The following GTF2A1L variants were observed in gnomAD, a reference collection of about 807,000 sequenced individuals.
GTF2A1L encodes general transcription factor IIA subunit 1 like.
In GTF2A1L, 48 loss-of-function variants were observed where a neutral mutation model predicts 49.7. The ratio of observed to expected loss-of-function variants is 0.97; its 90% CI spans 0.77 to 1.23. GTF2A1L has a LOEUF of 1.23. Ranked by LOEUF, GTF2A1L falls within the 50% of genes most tolerant of loss-of-function variation. GTF2A1L has a pLI of 0.00. For missense variants in GTF2A1L, 736 were observed against 564.8 expected (o/e 1.30, Z -3.07); for synonymous variants, 246 against 193.5 (o/e 1.27, Z -2.25).
At chr2:48,662,273 A>G (rs552387823) in intron 6 of GTF2A1L, among the ~76,000 whole-genome samples, 3 of 152,378 alleles carry the variant, frequency 2.0e-5, no homozygotes, top group Non-Finnish European at 2.9e-5. Flanking sequence ...ATGATGTAGA[A>G]GAATAAAATC....
chr2:48,636,039 C>T (rs1676868726), intron 3 of GTF2A1L, among the ~76,000 whole-genome samples: 1 of 152,208 alleles, frequency 6.6e-6, no homozygotes, highest in Non-Finnish European at 1.5e-5. Context: ...AATGCCATCA[C>T]AGTGGCTGTT....
intron 8 of GTF2A1L, among the ~76,000 whole-genome samples, chr2:48,672,034 G>A (rs544192311): frequency 6.6e-6 from 1 of 152,340 alleles, no homozygotes; most frequent in South Asian, 2.1e-4. Context: ...AAGATGAGTG[G>A]CAGGTAAATC....
At chr2:48,638,258 C>A (rs1677011994) in intron 3 of GTF2A1L, among the ~76,000 whole-genome samples, 1 of 152,130 alleles carries the variant, frequency 6.6e-6, no homozygotes, top group African/African-American at 2.4e-5. Flanking sequence ...GATACCAAAG[C>A]CTGGGAGAGA....
intron 8 of GTF2A1L, among the ~76,000 whole-genome samples, chr2:48,675,932 G>A (rs192412963): frequency 2.0e-5 from 3 of 151,764 alleles, no homozygotes; most frequent in Non-Finnish European, 3.0e-5. Flanking sequence ...AATAGATAGT[G>A]CATACACATG....
At chr2:48,634,547 C>T (rs1483903740) in intron 3 of GTF2A1L, among the ~76,000 whole-genome samples, 1 of 152,108 alleles carries the variant, frequency 6.6e-6, no homozygotes, top group Admixed American at 6.5e-5. Flanking sequence ...CTTTTGTTTC[C>T]GTGATTAGAA....
At chr2:48,641,377 G>T (rs767562390) in intron 3 of GTF2A1L, among the ~76,000 whole-genome samples, 1 of 152,086 alleles carries the variant, frequency 6.6e-6, no homozygotes, top group African/African-American at 2.4e-5. Flanking sequence ...GGAAGGAATG[G>T]TTAGTTTAAA....
chr2:48,642,200 G>A (rs1677234315), intron 3 of GTF2A1L, among the ~76,000 whole-genome samples: 1 of 152,096 alleles, frequency 6.6e-6, no homozygotes, highest in African/African-American at 2.4e-5. Flanking sequence ...GCACTTAAAG[G>A]AGTTTATTTG....
chr2:48,647,717 G>T (rs905666938), intron 6 of GTF2A1L, among the ~76,000 whole-genome samples: 1 of 151,630 alleles, frequency 6.6e-6, no homozygotes, highest in Admixed American at 6.6e-5. Context: ...ATTTCTTTTG[G>T]TATTGAAACC....
rs574925170 is a variant in GTF2A1L at position 48,672,727 on chromosome 2, G to A, written c.1329+1047G>A. 1.9e-4 allele frequency among the ~76,000 whole-genome samples: 29 copies of A among 152,230 alleles called. No individual in the cohort carries two copies. In the South Asian group the frequency reaches 5.2e-3, roughly 27 times the overall value. ...GCTGTGATTATGTAGTCAAATGGGA[G>A]TTTTTGTCCTTAATTCATGAATATT... On this transcript the variant is annotated intron_variant, in intron 8 of 8. Coordinates refer to ENST00000403751, the MANE Select transcript of GTF2A1L (RefSeq NM_006872.5).
intron 2 of GTF2A1L, 100 bp downstream of exon 2, chr2:48,621,052 A>C (rs1041008609): frequency 1.3e-6 from 2 of 1,507,834 alleles, no homozygotes; most frequent in Non-Finnish European, 1.8e-6. Context: ...TTTAGTACTT[A>C]CCCATTCATT....
At chr2:48,649,232 G>A (rs1386671264) in intron 6 of GTF2A1L, among the ~76,000 whole-genome samples, 1 of 152,076 alleles carries the variant, frequency 6.6e-6, no homozygotes, top group Non-Finnish European at 1.5e-5. Flanking sequence ...TGTTTTCAAG[G>A]TTAGTCGATA....
intron 3 of GTF2A1L, among the ~76,000 whole-genome samples, chr2:48,640,067 A>C (rs1056373793): frequency 6.6e-6 from 1 of 152,196 alleles, no homozygotes; most frequent in Non-Finnish European, 1.5e-5. Context: ...GTGAGGTTGC[A>C]GAGAAAAGGA....
intron 3 of GTF2A1L, among the ~76,000 whole-genome samples, chr2:48,626,847 C>A (rs867543695): frequency 1.4e-5 from 2 of 144,640 alleles, no homozygotes; most frequent in South Asian, 4.6e-4. Context: ...GTGTGCATAT[C>A]TTTCACCTTC....
chr2:48,675,823 A>G (rs1316206780), intron 8 of GTF2A1L, among the ~76,000 whole-genome samples: 2 of 151,864 alleles, frequency 1.3e-5, no homozygotes, highest in African/African-American at 2.4e-5. Flanking sequence ...TTCTTTATAT[A>G]TACAGAGAGA....
Position 48,646,969 on chromosome 2 carries a change from G to C in GTF2A1L, c.905G>C (p.Arg302Thr), listed in dbSNP as rs201421811. 2 of 1,614,010 alleles carry C rather than the reference G, an allele frequency of 1.2e-6. No homozygotes were observed. The highest frequency in any genetic ancestry group is 8.5e-7 in the Non-Finnish European group (1 of 1,180,024). ...ATTCAGCTTCATATTCTTAAAAATA[G>C]GATGTATGGATGTGATTCTGTAAAG... ...TDIQLHILKN[R>T]MYGCDSVKQP... Residue 302 changes from arginine to threonine, a missense_variant, in exon 6 of 9, where the codon AGG becomes ACG. Arg to Thr is a moderately conservative substitution (Grantham distance 71, BLOSUM62 -1). Transcript: ENST00000403751.
rs1487215222 is a variant in GTF2A1L, at chr2:48,629,408, C to T, written c.247+8118C>T. Among the ~76,000 whole-genome samples, 2 of 144,270 alleles carry T rather than the reference C, an allele frequency of 1.4e-5. 1 individual carries two copies. The highest frequency in any genetic ancestry group is 3.1e-5 in the Non-Finnish European group (2 of 64,012). The allele number at this position is 144,270 out of a possible 152,430, so 94.6% of individuals were successfully genotyped here. A position where few individuals can be genotyped will look rare whatever the true frequency, so the allele number is the denominator to read the frequency against. ...TGTACTGAGTACAACGTCTGTGTGT[C>T]TTGTTCTGTTGGCTTTCTTGGGTTC... On this transcript the variant is annotated intron_variant, in intron 3 of 8. Coordinates refer to ENST00000403751, the MANE Select transcript of GTF2A1L (RefSeq NM_006872.5).
At chr2:48,628,650 T>C (rs1676419029) in intron 3 of GTF2A1L, among the ~76,000 whole-genome samples, 1 of 144,352 alleles carries the variant, frequency 6.9e-6, no homozygotes, top group East Asian at 1.9e-4. Flanking sequence ...GAATATTTTC[T>C]ACCATCCTGT....
chr2:48,628,615 C>T (rs545928396), intron 3 of GTF2A1L, among the ~76,000 whole-genome samples: 2 of 143,794 alleles, frequency 1.4e-5, no homozygotes, highest in East Asian at 3.9e-4. Context: ...CTGGATATTA[C>T]AACTTTGTCA....
intron 6 of GTF2A1L, among the ~76,000 whole-genome samples, chr2:48,658,738 A>G (rs1281210302): frequency 1.3e-5 from 2 of 152,060 alleles, no homozygotes; most frequent in African/African-American, 4.8e-5. Context: ...GCTTTCAGGA[A>G]TTTATTCATT....
Sources: allele counts gnomAD v4.1 joint callset (sites outside exome capture counted in the v4.1 genomes callset), GRCh38; gene constraint gnomAD v4.1.1; transcripts MANE v1.5; gene names NCBI Gene and HGNC (gene_info 2026-07-23, HGNC 2026-07-21).